The following DENND6A variants were observed in gnomAD, a reference collection of about 807,000 sequenced individuals.
DENND6A encodes protein DENND6A.
In DENND6A, 43 loss-of-function variants were observed where a neutral mutation model predicts 95.5. That is an observed-to-expected ratio of 0.45 (90% CI 0.35 to 0.58). The LOEUF is 0.58. Ranked by LOEUF, DENND6A falls within the 20% of genes least tolerant of loss-of-function variation. DENND6A has a pLI of 0.00. For missense variants in DENND6A, 574 were observed against 736.0 expected, an observed-to-expected ratio of 0.78 and a Z score of 2.55; for synonymous variants, 257 against 260.4, an observed-to-expected ratio of 0.99 and a Z score of 0.13.
chr3:57,646,031 C>A (rs2071072749), intron 10 of DENND6A, among the ~76,000 whole-genome samples: 2 of 152,152 alleles, frequency 1.3e-5, no homozygotes, highest in Admixed American at 1.3e-4. Context: ...TGATCATTCA[C>A]ACAAGTAATA....
At chr3:57,678,991 C>T (rs996963627) in intron 1 of DENND6A, among the ~76,000 whole-genome samples, 17 of 152,208 alleles carry the variant, frequency 1.1e-4, no homozygotes, top group Non-Finnish European at 5.9e-5. Flanking sequence ...GTAATCACAG[C>T]TACTCAGGAA....
chr3:57,646,524 CA>C, intron 9 of DENND6A, 86 bp from the exon 10 acceptor site: 1 of 1,460,974 alleles, frequency 6.8e-7, no homozygotes, highest in South Asian at 1.4e-5. Flanking sequence ...AAAAACTCCA[CA>C]TTGATATAAA....
chr3:57,655,199 T>C (rs2071300111), intron 9 of DENND6A, among the ~76,000 whole-genome samples: 1 of 152,170 alleles, frequency 6.6e-6, no homozygotes, highest in Non-Finnish European at 1.5e-5. Context: ...CATGCCCAGC[T>C]AGTTTTTGTA....
Position 57,692,995 on chromosome 3 carries a change from GC to G in DENND6A, c.23del (p.Gly8AlafsTer73). On this transcript the variant is annotated frameshift_variant, in exon 1 of 20. Transcript: ENST00000311128. LOFTEE classifies it high-confidence loss of function. ...ACGGCCTTCGAGAGCCGGGCCCCAA[GC>G]CCGCAGGGCCCCTCAAAGCCATCGG... is the stretch of plus-strand genomic sequence containing the variant. MALRGPA[G>X]LGPGSRRPLD... 6.6e-7 allele frequency: 1 copy of G among 1,504,424 alleles called. No individual in the cohort carries two copies. The highest frequency in any genetic ancestry group is 2.2e-5 in the Admixed American group (1 of 44,774). The allele number at this position is 1,504,424 out of a possible 1,614,324, so 93.2% of individuals were successfully genotyped here.
At chr3:57,633,487 T>C (rs1288858711) in intron 14 of DENND6A, 133 bp from the exon 15 acceptor site, 1 of 734,246 alleles carries the variant, frequency 1.4e-6, no homozygotes, top group African/African-American at 1.8e-5. Context: ...CACCTTGAAG[T>C]AATTTAATGT....
chr3:57,652,552 T>G (rs192855589), intron 9 of DENND6A, among the ~76,000 whole-genome samples: 97 of 152,354 alleles, frequency 6.4e-4, no homozygotes, highest in African/African-American at 2.2e-3. Context: ...TTTGTTCTTT[T>G]AAGCCTAAGT....
chr3:57,628,375 A>C, intron 19 of DENND6A, 30 bp from the exon 20 acceptor site: 2 of 1,606,922 alleles, frequency 1.2e-6, no homozygotes, highest in Non-Finnish European at 1.7e-6. Context: ...TAACATTTAA[A>C]TTATCCTCAG....
chr3:57,667,559 T>C (rs2071543950), intron 3 of DENND6A, among the ~76,000 whole-genome samples: 1 of 152,178 alleles, frequency 6.6e-6, no homozygotes, highest in African/African-American at 2.4e-5. Flanking sequence ...CCCCCTCCCT[T>C]GACCCTCAGC....
intron 4 of DENND6A, among the ~76,000 whole-genome samples, chr3:57,664,870 G>A (rs181069462): frequency 1.9e-4 from 29 of 152,220 alleles, no homozygotes; most frequent in African/African-American, 6.7e-4. Context: ...ATTGTAATAG[G>A]AGGATGGGTA....
intron 7 of DENND6A, 94 bp from the exon 8 acceptor site, chr3:57,659,274 C>A: frequency 7.5e-7 from 1 of 1,338,678 alleles, no homozygotes; most frequent in Non-Finnish European, 1.1e-6. Context: ...TCAGTAATGC[C>A]AAAAAAGCTA....
intron 4 of DENND6A, among the ~76,000 whole-genome samples, chr3:57,664,629 T>A (rs1350564223): frequency 6.6e-6 from 1 of 151,982 alleles, no homozygotes; most frequent in Non-Finnish European, 1.5e-5. Context: ...GGTCAGGAGA[T>A]CAAGACCATC....
intron 9 of DENND6A, among the ~76,000 whole-genome samples, chr3:57,651,731 G>C (rs1233604913): frequency 1.3e-5 from 2 of 150,840 alleles, no homozygotes; most frequent in Non-Finnish European, 3.0e-5. Flanking sequence ...ACACCAGAAA[G>C]CAAGACAGTG....
chr3:57,661,509 G>GA lies in DENND6A; in HGVS notation c.555dup (p.His186SerfsTer13). The stretch of plus-strand genomic sequence containing the variant: ...GGTGCTATCTGTTTGAGCACAGTGT[G>GA]AAAAAAATGAATATAAGGTAGTTTG... On this transcript the variant is annotated frameshift_variant, in exon 6 of 20. Transcript: ENST00000311128. LOFTEE classifies it high-confidence loss of function. 2 of 1,579,872 alleles carry GA rather than the reference G, an allele frequency of 1.3e-6. No individual in the cohort carries two copies. Among genetic ancestry groups the GA allele is most frequent in the South Asian group, 1.2e-5 (1 of 83,514 alleles).
chr3:57,672,799 CA>C (rs2071639904), intron 1 of DENND6A, among the ~76,000 whole-genome samples: 1 of 150,018 alleles, frequency 6.7e-6, no homozygotes, highest in Admixed American at 6.6e-5. Context: ...AACAAACAAA[CA>C]AAAAAATATA....
intron 11 of DENND6A, 110 bp downstream of exon 11, chr3:57,645,551 C>A (rs913958902): frequency 8.4e-6 from 6 of 715,216 alleles, no homozygotes. Context: ...GCTCCTCAAA[C>A]TTTCCTTTTA....
At chr3:57,672,107 G>T in intron 3 of DENND6A, 149 bp downstream of exon 3, 1 of 737,908 alleles carries the variant, frequency 1.4e-6, no homozygotes, top group Non-Finnish European at 2.1e-6. Flanking sequence ...AATCAACGAT[G>T]ACATGACTAG....
chr3:57,657,609 T>C, intron 9 of DENND6A, 71 bp downstream of exon 9: 3 of 1,035,552 alleles, frequency 2.9e-6, no homozygotes, highest in Middle Eastern at 2.1e-4. Flanking sequence ...ATAATATTCA[T>C]TTTTTAAATA....
intron 18 of DENND6A, among the ~76,000 whole-genome samples, chr3:57,629,416 T>C (rs573017320): frequency 6.6e-6 from 1 of 150,938 alleles, no homozygotes; most frequent in African/African-American, 2.4e-5. Flanking sequence ...AAGCTAAATA[T>C]AAATGAAAGT....
At chr3:57,635,711 T>A (rs1460638211) in intron 12 of DENND6A, among the ~76,000 whole-genome samples, 4 of 152,222 alleles carry the variant, frequency 2.6e-5, no homozygotes, top group African/African-American at 9.6e-5. Context: ...AATCTTATAT[T>A]GCTAAAAAAT....
Sources: allele counts gnomAD v4.1 joint callset (sites outside exome capture counted in the v4.1 genomes callset), GRCh38; gene constraint gnomAD v4.1.1; transcripts MANE v1.5; gene names NCBI Gene and HGNC (gene_info 2026-07-23, HGNC 2026-07-21).